The following VASH1 variants were observed in gnomAD, a reference collection of about 807,000 sequenced individuals.
VASH1 encodes tubulinyl-Tyr carboxypeptidase 1.
In VASH1, 16 loss-of-function variants were observed where a neutral mutation model predicts 35.0. The observed-to-expected ratio is 0.46, with a 90% CI of 0.31 to 0.70. The LOEUF is 0.70. Among genes scored for constraint, VASH1 ranks in the 30% least tolerant of loss-of-function variants. VASH1 has a pLI of 0.05. For synonymous variants in VASH1, 214 were observed against 200.9 expected, an observed-to-expected ratio of 1.07 and a Z score of -0.55; for missense variants, 505 against 510.7, an observed-to-expected ratio of 0.99 and a Z score of 0.11.
At chr14:76,772,496 C>T (rs1014471034) in intron 3 of VASH1, among the ~76,000 whole-genome samples, 6 of 152,194 alleles carry the variant, frequency 3.9e-5, no homozygotes, top group African/African-American at 1.4e-4. Flanking sequence ...GGGTGCCCTC[C>T]TGGGCAAAGC....
chr14:76,774,662 G>T (rs571687539), intron 4 of VASH1: 134 of 152,468 alleles, frequency 8.8e-4, no homozygotes, highest in African/African-American at 3.1e-3. Flanking sequence ...CTCACGTCTT[G>T]TCCTCGCCGC....
rs1215955774 is a variant in VASH1 at position 76,780,009 on chromosome 14, C to G, written c.*991C>G. The G allele has an allele frequency of 6.1e-6, 1 of 163,024 alleles. No individual in the cohort carries two copies. Among genetic ancestry groups the G allele is most frequent in the Non-Finnish European group, 1.3e-5 (1 of 74,122 alleles). The allele number at this position is 163,024 out of a possible 1,614,324, so 10.1% of individuals were successfully genotyped here. On this transcript the variant is annotated 3_prime_UTR_variant, in exon 7 of 7. Coordinates refer to ENST00000167106, the MANE Select transcript of VASH1 (RefSeq NM_014909.5). Reference sequence around the variant, plus strand: ...GATGCTTCTGCCCCAGGCCTGCCTTCCATTCTTTAACAGCCCATCTTGGCT... The same window carrying G: ...GATGCTTCTGCCCCAGGCCTGCCTTGCATTCTTTAACAGCCCATCTTGGCT...
At chr14:76,765,979 A>G (rs1281437303) in intron 1 of VASH1, among the ~76,000 whole-genome samples, 3 of 152,220 alleles carry the variant, frequency 2.0e-5, no homozygotes, top group Non-Finnish European at 4.4e-5. Context: ...ATAACTACTT[A>G]TATGAGGAAG....
At position 76,778,034 on chromosome 14, in the gene VASH1, T is replaced by C. The variant is rs1893993184; in HGVS notation, c.988T>C (p.Ser330Pro). Reference sequence around the variant, plus strand: ...TGTTTCTTCCCCGCAGCGGGCCCAGTCCAGCCCCCACCGCAGGAACAGCCG... The same window carrying C: ...TGTTTCTTCCCCGCAGCGGGCCCAGCCCAGCCCCCACCGCAGGAACAGCCG... The part of the protein sequence containing the change: ...KDVSSPQRAQ[S>P]SPHRRNSRSE... Residue 330 changes from serine (S) to proline (P), a missense_variant, in exon 6 of 7, where the codon TCC becomes CCC. Ser to Pro is a moderately conservative substitution (Grantham distance 74, BLOSUM62 -1). Transcript: ENST00000167106. The C allele has an allele frequency of 2.0e-6, 3 of 1,528,798 alleles. No homozygotes were observed. Among genetic ancestry groups the C allele is most frequent in the Non-Finnish European group, 2.6e-6 (3 of 1,138,488 alleles). 94.7% of individuals were successfully genotyped at this position (1,528,798 alleles called of 1,614,324 possible).
chr14:76,765,177 G>A (rs1893609600), intron 1 of VASH1, among the ~76,000 whole-genome samples: 1 of 151,384 alleles, frequency 6.6e-6, no homozygotes, highest in African/African-American at 2.4e-5. Flanking sequence ...CTGCAGAACT[G>A]CCACCACTCC....
rs1595264385 is a variant in VASH1 at position 76,762,099 on chromosome 14, C to G, written c.-723C>G. 1 of 152,334 alleles carries G rather than the reference C, an allele frequency of 6.6e-6. No individual in the cohort carries two copies. Among genetic ancestry groups the G allele is most frequent in the Non-Finnish European group, 1.5e-5 (1 of 68,158 alleles). The allele number at this position is 152,334 out of a possible 1,614,324, so 9.4% of individuals were successfully genotyped here. On this transcript the variant is annotated 5_prime_UTR_variant, in exon 1 of 7. Transcript: ENST00000167106. ...GGGACTCCGCCGCTGTTTCTGGGGA[C>G]GAGGGGACAGGGGACCCAGACAAAG...
At chr14:76,772,270 T>A (rs1437576572) in intron 3 of VASH1, among the ~76,000 whole-genome samples, 2 of 152,014 alleles carry the variant, frequency 1.3e-5, no homozygotes, top group Non-Finnish European at 2.9e-5. Context: ...AGAAAAAAAA[T>A]TTCATATGAA....
Position 76,775,960 on chromosome 14 carries a change from A to G in VASH1, c.599A>G (p.Asn200Ser), listed in dbSNP as rs758423210. The change falls in exon 5 of 7, where the codon AAC becomes AGC. Residue 200 changes from asparagine to serine, a missense_variant. Transcript: ENST00000167106. Reference sequence around the variant, plus strand: ...AGCTTCAAGACCTACTTCTCAGGGAACTACTTCCGCCACATCGTGCTGGGG... The same window carrying G: ...AGCTTCAAGACCTACTTCTCAGGGAGCTACTTCCGCCACATCGTGCTGGGG... ...PISFKTYFSG[N>S]YFRHIVLGVN... 17 of 1,610,118 alleles carry G rather than the reference A, an allele frequency of 1.1e-5. No individual in the cohort carries two copies. Among genetic ancestry groups the G allele is most frequent in the Middle Eastern group, 1.6e-4 (1 of 6,076 alleles).
At chr14:76,777,660 C>A (rs191538390) in intron 5 of VASH1, among the ~76,000 whole-genome samples, 1 of 152,178 alleles carries the variant, frequency 6.6e-6, no homozygotes, top group African/African-American at 2.4e-5. Context: ...ACAACTGGCA[C>A]GTTTACCTGG....
At position 76,762,910 on chromosome 14, in the gene VASH1, G is replaced by C. The variant is rs1247075923; in HGVS notation, c.89G>C (p.Arg30Pro). Residue 30 changes from arginine (R) to proline (P), a missense_variant, in exon 1 of 7, where the codon CGT (arginine) becomes CCT (proline). Physicochemically the swap from Arg to Pro is moderately radical, Grantham distance 103 (BLOSUM62 -2). Transcript: ENST00000167106. ...AAATAPSGVR[R>P]LETSEGTSAQ... Reference sequence around the variant, plus strand: ...GCCACCGCCCCCTCTGGGGTCAGGCGTTTGGAGACCAGCGAAGGAACCTCA... The same window carrying C: ...GCCACCGCCCCCTCTGGGGTCAGGCCTTTGGAGACCAGCGAAGGAACCTCA... 1.9e-6 allele frequency: 3 copies of C among 1,579,168 alleles called. No individual in the cohort carries two copies. The African/African-American group carries it at 4.0e-5, about 21-fold the overall frequency.
intron 1 of VASH1, among the ~76,000 whole-genome samples, chr14:76,768,584 G>A (rs997470166): frequency 6.6e-6 from 1 of 152,212 alleles, no homozygotes; most frequent in African/African-American, 2.4e-5. Context: ...CCCCAGACAT[G>A]AGTGTGCAGT....
chr14:76,774,300 T>C (rs1893872930), intron 4 of VASH1: 1 of 152,206 alleles, frequency 6.6e-6, no homozygotes, highest in Non-Finnish European at 1.5e-5. Context: ...GCAGGCCCAT[T>C]TCTGGAGCCC....
At chr14:76,763,268 A>T (rs949322203) in intron 1 of VASH1, 138 bp downstream of exon 1, 6 of 920,906 alleles carry the variant, frequency 6.5e-6, no homozygotes, top group African/African-American at 1.7e-5. Context: ...GTGATATCAT[A>T]CCTGTCTAGG....
intron 1 of VASH1, among the ~76,000 whole-genome samples, chr14:76,764,915 C>T (rs768863042): frequency 3.3e-5 from 5 of 152,114 alleles, no homozygotes; most frequent in African/African-American, 4.8e-5. Context: ...TGGTCTCAAA[C>T]TCCAGACCTC....
rs1347544894 is a variant in VASH1 at position 76,782,554 on chromosome 14, G to C, written c.*3536G>C. On this transcript the variant is annotated 3_prime_UTR_variant, in exon 7 of 7. Transcript: ENST00000167106. ...TGTCCCTGGGCTCGCTCCAAGTGCAGGAACATACATGCAGGGCCCAACATG... is the reference window on the plus strand; with the variant it reads ...TGTCCCTGGGCTCGCTCCAAGTGCACGAACATACATGCAGGGCCCAACATG... 2 of 152,242 alleles carry C rather than the reference G, an allele frequency of 1.3e-5. No homozygotes were observed. Among genetic ancestry groups the C allele is most frequent in the African/African-American group, 4.8e-5 (2 of 41,440 alleles). 9.4% of individuals were successfully genotyped at this position (152,242 alleles called of 1,614,324 possible).
intron 1 of VASH1, among the ~76,000 whole-genome samples, chr14:76,763,854 G>A (rs1033338091): frequency 2.6e-5 from 4 of 152,182 alleles, no homozygotes; most frequent in East Asian, 3.8e-4. Context: ...TGTCACCAAC[G>A]AAAACAGAGG....
Position 76,779,101 on chromosome 14 carries a change from C to A in VASH1, c.*83C>A. ...GAACCAGCCTTATGCATGGGGAAGGCGGGGCTGGTGACAAGGCAGGGCAAG... is the reference window on the plus strand; with the variant it reads ...GAACCAGCCTTATGCATGGGGAAGGAGGGGCTGGTGACAAGGCAGGGCAAG... On this transcript the variant is annotated 3_prime_UTR_variant, in exon 7 of 7. Coordinates refer to ENST00000167106, the MANE Select transcript of VASH1 (RefSeq NM_014909.5). 2.0e-6 allele frequency: 3 copies of A among 1,468,564 alleles called. No individual in the cohort carries two copies. The highest frequency in any genetic ancestry group is 2.8e-6 in the Non-Finnish European group (3 of 1,055,522). The allele number at this position is 1,468,564 out of a possible 1,614,324, so 91.0% of individuals were successfully genotyped here. A position where few individuals can be genotyped will look rare whatever the true frequency, so the allele number is the denominator to read the frequency against.
At chr14:76,773,285 G>C (rs1208434501) in intron 4 of VASH1, 74 bp downstream of exon 4, 1 of 1,509,070 alleles carries the variant, frequency 6.6e-7, no homozygotes. Flanking sequence ...AAGTGAGGGT[G>C]GGGTAGGTTG....
At position 76,770,062 on chromosome 14, in the gene VASH1, TGGTCAAG is replaced by T. The variant is rs1283058290; in HGVS notation, c.398+17_398+23del. 3.7e-6 allele frequency: 6 copies of T among 1,611,822 alleles called. No individual in the cohort carries two copies. The highest frequency in any genetic ancestry group is 2.7e-5 in the African/African-American group (2 of 74,880). ...CATCAGAGAGCTGCAGTATCCTCTC[TGGTCAAG>T]GGTCATGGCCACCTTCTGGCCGGTG... On this transcript the variant is annotated intron_variant, in intron 2 of 6. Coordinates refer to ENST00000167106, the MANE Select transcript of VASH1 (RefSeq NM_014909.5).
Sources: gnomAD v4.1 joint callset for allele counts (sites outside exome capture counted in the v4.1 genomes callset) on GRCh38, gnomAD v4.1.1 for gene constraint, MANE v1.5 for transcripts, NCBI Gene and HGNC (gene_info 2026-07-23, HGNC 2026-07-21) for gene names.